Variants in ABCC1 observed in about 807,000 individuals in gnomAD.
ABCC1 encodes the protein multidrug resistance-associated protein 1.
ABCC1 carries 83 observed loss-of-function variants against 172.9 expected under a neutral mutation model. The observed-to-expected ratio is 0.48, with a 90% CI of 0.40 to 0.58. ABCC1 has a LOEUF of 0.58. Ranked by LOEUF, ABCC1 falls within the 20% of genes least tolerant of loss-of-function variation. The probability of loss-of-function intolerance (pLI) is 0.00; values close to 1 mark genes in which losing one functional copy is unlikely to be tolerated. For missense variants in ABCC1, 1,817 were observed against 2,002.7 expected (o/e 0.91, Z 1.77); for synonymous variants, 937 against 825.2 (o/e 1.14, Z -2.32).
chr16:16,125,541 G>A (rs926961970), intron 25 of ABCC1, among the ~76,000 whole-genome samples: 1 of 151,936 alleles, frequency 6.6e-6, no homozygotes, highest in African/African-American at 2.4e-5. Context: ...TGATTCTTCT[G>A]CCTCAGCCTC....
chr16:16,014,672 AGGGAGAGAT>A, intron 4 of ABCC1, 44 bp downstream of exon 4: 1 of 1,607,220 alleles, frequency 6.2e-7, no homozygotes. Flanking sequence ...GTGGACCCGG[AGGGAGAGAT>A]GCTGGGTCCC....
At position 16,106,885 on chromosome 16, in the gene ABCC1, T is replaced by A; in HGVS notation, c.2871+12T>A. The stretch of plus-strand genomic sequence containing the variant: ...CGCAGACAGGGCAGGTGAGATTCGC[T>A]CCTTAAGTGATGACAGTGGCTGGAG... On this transcript the variant is annotated intron_variant, in intron 21 of 30. Transcript: ENST00000399410. The A allele has an allele frequency of 1.2e-6, 2 of 1,613,858 alleles. No homozygotes were observed.
intron 10 of ABCC1, among the ~76,000 whole-genome samples, chr16:16,049,095 G>C (rs894608995): frequency 1.3e-5 from 2 of 152,128 alleles, no homozygotes; most frequent in Non-Finnish European, 2.9e-5. Context: ...ATCAAGCAAT[G>C]TTGTCAGTAC....
chr16:16,060,742 G>A (rs571548802), intron 12 of ABCC1, among the ~76,000 whole-genome samples: 59 of 151,122 alleles, frequency 3.9e-4, no homozygotes, highest in Non-Finnish European at 5.5e-4. Flanking sequence ...GGCTGGTCTC[G>A]AACTCCTGAC....
At chr16:15,979,688 T>A (rs1439591052) in intron 1 of ABCC1, among the ~76,000 whole-genome samples, 4 of 152,204 alleles carry the variant, frequency 2.6e-5, no homozygotes. Context: ...CTCACTATGT[T>A]GCCCAGGCTG....
In ABCC1 at chr16:16,029,277, C is replaced by T. The variant is rs890994831; in HGVS notation, c.616-3832C>T. Reference sequence around the variant, plus strand: ...TCTCACTATTACCCAGGCTGGAGTGCGATGGCACAATCTCAGCTTGCTGCA... The same window carrying T: ...TCTCACTATTACCCAGGCTGGAGTGTGATGGCACAATCTCAGCTTGCTGCA... On this transcript the variant is annotated intron_variant, in intron 5 of 30. Transcript: ENST00000399410. Among the ~76,000 whole-genome samples, 45 of 152,180 alleles carry T rather than the reference C, an allele frequency of 3.0e-4. 1 individual carries two copies. Among genetic ancestry groups the T allele is most frequent in the Middle Eastern group, 3.4e-3 (1 of 294 alleles).
At chr16:16,098,987 G>A in intron 19 of ABCC1, 1 of 1,205,206 alleles carries the variant, frequency 8.3e-7, no homozygotes, top group South Asian at 1.2e-5. Context: ...GTCTGGGGAG[G>A]TGCCGTCAGA....
intron 1 of ABCC1, among the ~76,000 whole-genome samples, chr16:15,968,059 G>A (rs2046286655): frequency 6.6e-6 from 1 of 152,158 alleles, no homozygotes; most frequent in Non-Finnish European, 1.5e-5. Context: ...TTGAGACGGA[G>A]TCTTGCTCCA....
At chr16:15,989,068 C>CAAAAAAAAAAAAAAAAAAAA (rs35441399) in intron 1 of ABCC1, among the ~76,000 whole-genome samples, 1 of 76,682 alleles carries the variant, frequency 1.3e-5, no homozygotes, top group Non-Finnish European at 2.5e-5. Flanking sequence ...GACTCTGTCT[C>CAAAAAAAAAAAAAAAAAAAA]AAAAAAAAAA....
At chr16:16,093,057 T>C (rs1478162788) in intron 19 of ABCC1, among the ~76,000 whole-genome samples, 1 of 152,198 alleles carries the variant, frequency 6.6e-6, no homozygotes, top group African/African-American at 2.4e-5. Context: ...GCTTTTAAAT[T>C]ATTTGATTAG....
chr16:16,106,718 C>T lies in ABCC1; in HGVS notation c.2736-20C>T. 2 of 1,613,804 alleles carry T rather than the reference C, an allele frequency of 1.2e-6. No individual in the cohort carries two copies. Among genetic ancestry groups the T allele is most frequent in the Non-Finnish European group, 1.7e-6 (2 of 1,180,004 alleles). ...CCAAGGCATCTGTACGGTTGACACC[C>T]TTGTGCTTTGCTTCTCCAGACAGCT... On this transcript the variant is annotated intron_variant, in intron 20 of 30. Coordinates refer to ENST00000399410, the MANE Select transcript of ABCC1 (RefSeq NM_004996.4).
chr16:16,047,880 G>A (rs1236047950), intron 9 of ABCC1, among the ~76,000 whole-genome samples: 2 of 147,842 alleles, frequency 1.4e-5, no homozygotes, highest in Non-Finnish European at 3.0e-5. Context: ...ATTAAAGCAT[G>A]CGAAGCCCTG....
intron 12 of ABCC1, 148 bp from the exon 13 acceptor site, chr16:16,068,008 T>C (rs2050177539): frequency 1.5e-6 from 1 of 671,196 alleles, no homozygotes; most frequent in African/African-American, 1.9e-5. Context: ...TGCCAGATAC[T>C]GCCCCAGGTT....
chr16:15,956,235 G>C (rs2045994434), intron 1 of ABCC1, among the ~76,000 whole-genome samples: 1 of 151,920 alleles, frequency 6.6e-6, no homozygotes, highest in Admixed American at 6.6e-5. Flanking sequence ...TGTGGTGGCG[G>C]GTGCCTGTAA....
At chr16:16,046,075 G>A in intron 9 of ABCC1, 62 bp downstream of exon 9, 15 of 1,563,168 alleles carry the variant, frequency 9.6e-6, no homozygotes, top group Non-Finnish European at 1.2e-5. Flanking sequence ...GCAGCCCTGG[G>A]TTACTCTGGG....
rs564611913 is a variant in ABCC1 at position 16,038,913 on chromosome 16, A to G, written c.809+2310A>G. Among the ~76,000 whole-genome samples, 12 of 152,290 alleles carry G rather than the reference A, an allele frequency of 7.9e-5. No homozygotes were observed. The East Asian group carries it at 2.1e-3, about 27-fold the overall frequency. ...GCTGGAGACACCATGGGAGAGGCCA[A>G]TATCACAGCCTTGGGAGGAGGACAG... On this transcript the variant is annotated intron_variant, in intron 7 of 30. Coordinates refer to ENST00000399410, the MANE Select transcript of ABCC1 (RefSeq NM_004996.4).
intron 10 of ABCC1, among the ~76,000 whole-genome samples, chr16:16,049,316 C>T (rs558568818): frequency 1.7e-4 from 26 of 152,338 alleles, no homozygotes; most frequent in African/African-American, 6.3e-4. Context: ...GTGAACCAAT[C>T]ACTGTGGCCC....
intron 3 of ABCC1, among the ~76,000 whole-genome samples, chr16:16,012,254 AGTGGTAGAGCCAGCTT>A (rs1430487892): frequency 1.3e-5 from 2 of 152,180 alleles, no homozygotes; most frequent in Non-Finnish European, 2.9e-5. Flanking sequence ...CTGGTCAGTA[AGTGGTAGAGCCAGCTT>A]CCAGTCTAGG....
In ABCC1 at chr16:16,111,369, C is replaced by G; in HGVS notation, c.2872-6C>G. On this transcript the variant is annotated splice_region_variant and splice_polypyrimidine_tract_variant and intron_variant, in intron 21 of 30. Transcript: ENST00000399410. ...GCTAAGCTGCCTTATCTCCTGTGATCTCCAGGTCAAGCTTTCCGTGTACTG... is the reference window on the plus strand; with the variant it reads ...GCTAAGCTGCCTTATCTCCTGTGATGTCCAGGTCAAGCTTTCCGTGTACTG... 2 of 1,613,764 alleles carry G rather than the reference C, an allele frequency of 1.2e-6. No homozygotes were observed. Among genetic ancestry groups the G allele is most frequent in the Non-Finnish European group, 1.7e-6 (2 of 1,179,726 alleles).
Sources: gnomAD v4.1 joint callset for allele counts (sites outside exome capture counted in the v4.1 genomes callset) on GRCh38, gnomAD v4.1.1 for gene constraint, MANE v1.5 for transcripts, NCBI Gene and HGNC (gene_info 2026-07-23, HGNC 2026-07-21) for gene names.